The following CNGA4 variants were observed in gnomAD, a reference collection of about 807,000 sequenced individuals.
CNGA4 encodes cyclic nucleotide-gated channel alpha-4.
Under a neutral mutation model 45.6 loss-of-function variants are expected in CNGA4, and 32 were observed. The observed-to-expected ratio is 0.70, with a 90% CI of 0.53 to 0.94. The LOEUF is 0.94. CNGA4 is among the 40% of genes least tolerant of loss of function. CNGA4 has a pLI of 0.00. For synonymous variants in CNGA4, 293 were observed against 304.6 expected (o/e 0.96, Z 0.40); for missense variants, 726 against 755.1 (o/e 0.96, Z 0.45).
chr11:6,244,406 G>A lies in CNGA4; in HGVS notation c.1725G>A (p.Glu575=), dbSNP rs1202508116. The A allele has an allele frequency of 3.1e-6, 5 of 1,607,628 alleles. No individual in the cohort carries two copies. The highest frequency in any genetic ancestry group is 1.7e-5 in the Admixed American group (1 of 58,988). Residue 575 remains glutamate (E), a synonymous_variant, in exon 6 of 6, where the codon GAG becomes GAA. Coordinates refer to ENST00000379936, the MANE Select transcript of CNGA4 (RefSeq NM_001037329.4). The surrounding 1 kb of genome is among the most constrained non-coding windows in gnomAD (Gnocchi z 4.5). The part of the protein sequence containing the change: ...RASQEGPPGP[E] ...GCCAGGAGGGACCCCCAGGTCCAGA[G>A]TGACCCCATCCCCATCCCCAGGATT...
chr11:6,240,166 C>T lies in CNGA4; in HGVS notation c.372C>T (p.Pro124=). ...SFFLDLASLM[P]TDVVYVRLGP... ...TCTTGGACCTGGCTTCCCTGATGCC[C>T]ACAGATGTGGTCTACGTGCGGCTGG... is the stretch of plus-strand genomic sequence containing the variant. Residue 124 remains proline (P), a synonymous_variant, in exon 4 of 6, where the codon CCC becomes CCT. Coordinates refer to ENST00000379936, the MANE Select transcript of CNGA4 (RefSeq NM_001037329.4). The surrounding 1 kb of genome is among the most constrained non-coding windows in gnomAD (Gnocchi z 4.9). The T allele has an allele frequency of 6.2e-7, 1 of 1,614,188 alleles. No individual in the cohort carries two copies. The highest frequency in any genetic ancestry group is 1.1e-5 in the South Asian group (1 of 91,084).
chr11:6,237,956 C>T (rs762528126), upstream of CNGA4, among the ~76,000 whole-genome samples: 2 of 152,194 alleles, frequency 1.3e-5, no homozygotes, highest in African/African-American at 2.4e-5. Flanking sequence ...CACCACTACC[C>T]GCTAGGCCCT....
chr11:6,237,291 T>C (rs778829316), upstream of CNGA4, among the ~76,000 whole-genome samples: 3 of 152,196 alleles, frequency 2.0e-5, no homozygotes, highest in African/African-American at 4.8e-5. Context: ...GTCATAGGTT[T>C]TTTTGCTGAA....
upstream of CNGA4, among the ~76,000 whole-genome samples, chr11:6,235,074 G>C (rs1457159271): frequency 6.6e-6 from 1 of 152,220 alleles, no homozygotes; most frequent in Non-Finnish European, 1.5e-5. Context: ...GAGCGAGAAA[G>C]GGGTGGGGCC....
Position 6,240,302 on chromosome 11 carries a change from G to A in CNGA4, c.508G>A (p.Ala170Thr), listed in dbSNP as rs780147292. The change falls in exon 4 of 6, where the codon GCC (alanine) becomes ACC (threonine). Residue 170 changes from alanine (A) to threonine (T), a missense_variant. Coordinates refer to ENST00000379936, the MANE Select transcript of CNGA4 (RefSeq NM_001037329.4). The surrounding 1 kb of genome is among the most constrained non-coding windows in gnomAD (Gnocchi z 4.9). ...RTAYPNAFRI[A>T]KLMLYIFVVI... ...AGCTTACCCAAATGCCTTTCGCATT[G>A]CCAAGCTGATGCTTTACATTTTTGT... is the stretch of plus-strand genomic sequence containing the variant. The A allele has an allele frequency of 6.2e-7, 1 of 1,614,194 alleles. No individual in the cohort carries two copies. The highest frequency in any genetic ancestry group is 8.5e-7 in the Non-Finnish European group (1 of 1,180,024).
intron 5 of CNGA4, among the ~76,000 whole-genome samples, chr11:6,243,451 G>A (rs917573868): frequency 6.6e-6 from 1 of 152,080 alleles, no homozygotes; most frequent in African/African-American, 2.4e-5. Flanking sequence ...ACCAGCTCTC[G>A]ACTCACTAAC....
upstream of CNGA4, among the ~76,000 whole-genome samples, chr11:6,235,807 C>G (rs1847826469): frequency 6.6e-6 from 1 of 151,916 alleles, no homozygotes; most frequent in South Asian, 2.1e-4. Context: ...GGCGTAGTGG[C>G]GCGCGCCTGT....
chr11:6,240,896 G>A lies in CNGA4; in HGVS notation c.917+185G>A, dbSNP rs1286055798. 2.0e-5 allele frequency among the ~76,000 whole-genome samples: 3 copies of A among 152,256 alleles called. No homozygotes were observed. The highest frequency in any genetic ancestry group is 3.9e-4 in the East Asian group (2 of 5,176). Reference sequence around the variant, plus strand: ...TTTCAACTGAGGGAATCAGGACTTGGGGGAGGGGTAGGTAAGAGACTGATA... The same window carrying A: ...TTTCAACTGAGGGAATCAGGACTTGAGGGAGGGGTAGGTAAGAGACTGATA... On this transcript the variant is annotated intron_variant, in intron 4 of 5. Transcript: ENST00000379936. This position sits in a 1 kb window ranked among gnomAD's most constrained non-coding sequence, Gnocchi z 4.9.
chr11:6,244,394 C>T lies in CNGA4; in HGVS notation c.1713C>T (p.Pro571=), dbSNP rs1306754878. The change falls in exon 6 of 6, where the codon CCC becomes CCT. Residue 571 remains proline (P), a synonymous_variant. Coordinates refer to ENST00000379936, the MANE Select transcript of CNGA4 (RefSeq NM_001037329.4). The surrounding 1 kb of genome is among the most constrained non-coding windows in gnomAD (Gnocchi z 4.5). ...AGGGCAGGGCCAGCCAGGAGGGACC[C>T]CCAGGTCCAGAGTGACCCCATCCCC... The part of the protein sequence containing the change: ...DEEGRASQEG[P]PGPE 2 of 1,611,364 alleles carry T rather than the reference C, an allele frequency of 1.2e-6. No homozygotes were observed. Among genetic ancestry groups the T allele is most frequent in the East Asian group, 2.2e-5 (1 of 44,748 alleles).
At chr11:6,239,578 A>G (rs1847880715) in intron 2 of CNGA4, 93 bp downstream of exon 2, 3 of 1,552,292 alleles carry the variant, frequency 1.9e-6, no homozygotes, top group Non-Finnish European at 2.7e-6. Flanking sequence ...GGGCAGGAGG[A>G]GCAATTCCCA....
chr11:6,241,446 G>A lies in CNGA4; in HGVS notation c.933G>A (p.Gln311=). 1 of 1,584,416 alleles carries A rather than the reference G, an allele frequency of 6.3e-7. No homozygotes were observed. Among genetic ancestry groups the A allele is most frequent in the Non-Finnish European group, 8.6e-7 (1 of 1,161,968 alleles). Residue 311 remains glutamine (Q), a synonymous_variant, in exon 5 of 6, where the codon CAG becomes CAA. Coordinates refer to ENST00000379936, the MANE Select transcript of CNGA4 (RefSeq NM_001037329.4). ...RRVIDWYQHL[Q]INKKMTNEVA... is the part of the protein sequence containing the mutation. ...TTACTCTCAGGTATCAGCACCTGCA[G>A]ATCAACAAGAAGATGACCAACGAGG...
upstream of CNGA4, among the ~76,000 whole-genome samples, chr11:6,235,142 C>A (rs1205506442): frequency 2.0e-5 from 3 of 151,990 alleles, no homozygotes; most frequent in Non-Finnish European, 4.4e-5. Flanking sequence ...GAGGCTATCA[C>A]GAAAAGAGAG....
At chr11:6,244,486 C>A (rs1847965567), downstream of CNGA4, 1 of 1,355,840 alleles carries the variant, frequency 7.4e-7, no homozygotes, top group South Asian at 1.4e-5. This position sits in a 1 kb window ranked among gnomAD's most constrained non-coding sequence, Gnocchi z 4.5. Context: ...GCAACTCTGT[C>A]ATCCTGTCTG....
At chr11:6,238,503 A>G (rs1001578614), upstream of CNGA4, among the ~76,000 whole-genome samples, 7 of 151,958 alleles carry the variant, frequency 4.6e-5, no homozygotes, top group Non-Finnish European at 8.8e-5. Flanking sequence ...TGGGGACCAT[A>G]AAACACATGG....
rs1847921164 is a variant in CNGA4 at position 6,241,675 on chromosome 11, A to T, written c.1162A>T (p.Ile388Phe). The T allele has an allele frequency of 1.9e-6, 3 of 1,614,208 alleles. No individual in the cohort carries two copies. Among genetic ancestry groups the T allele is most frequent in the Non-Finnish European group, 1.7e-6 (2 of 1,180,036 alleles). ...AGACATTGGCCAAGAGATGTACATC[A>T]TCCGAGAGGGTCAACTGGCCGTGGT... ...KGDIGQEMYI[I>F]REGQLAVVAD... Residue 388 changes from isoleucine to phenylalanine, a missense_variant, in exon 5 of 6, where the codon ATC becomes TTC. By Grantham distance (21) the Ile-to-Phe change is conservative (BLOSUM62 0). Transcript: ENST00000379936.
rs1317863273 is a variant in CNGA4, at chr11:6,244,072, T to C, written c.1391T>C (p.Met464Thr). ...GAGTATCCACAAGCACAGACCATCA[T>C]GGAGGAGAAAGGACGTGAGATCCTG... is the stretch of plus-strand genomic sequence containing the variant. ...LSEYPQAQTIMEEKGREILLK... is the reference protein window; with the variant it reads ...LSEYPQAQTITEEKGREILLK... Residue 464 changes from methionine to threonine, a missense_variant, in exon 6 of 6, where the codon ATG becomes ACG. Met to Thr is a moderately conservative substitution (Grantham distance 81). Coordinates refer to ENST00000379936, the MANE Select transcript of CNGA4 (RefSeq NM_001037329.4). The surrounding 1 kb of genome is among the most constrained non-coding windows in gnomAD (Gnocchi z 4.5). 6.2e-7 allele frequency: 1 copy of C among 1,614,142 alleles called. No individual in the cohort carries two copies. Among genetic ancestry groups the C allele is most frequent in the East Asian group, 2.2e-5 (1 of 44,874 alleles).
At position 6,240,185 on chromosome 11, in the gene CNGA4, C is replaced by A. The variant is rs757297688; in HGVS notation, c.391C>A (p.Arg131=). The A allele has an allele frequency of 2.5e-6, 4 of 1,614,196 alleles. No individual in the cohort carries two copies. The highest frequency in any genetic ancestry group is 3.4e-6 in the Non-Finnish European group (4 of 1,180,048). The change falls in exon 4 of 6, where the codon CGG becomes AGG. Residue 131 remains arginine, a synonymous_variant. Transcript: ENST00000379936. The surrounding 1 kb of genome is among the most constrained non-coding windows in gnomAD (Gnocchi z 4.9). ...GATGCCCACAGATGTGGTCTACGTG[C>A]GGCTGGGCCCGCACACACCCACCCT... ...SLMPTDVVYV[R]LGPHTPTLRL...
upstream of CNGA4, among the ~76,000 whole-genome samples, chr11:6,238,713 G>C (rs545024802): frequency 6.6e-6 from 1 of 152,328 alleles, no homozygotes; most frequent in African/African-American, 2.4e-5. Context: ...CTGGAGAATA[G>C]TTTAGCACCT....
At chr11:6,243,579 T>C (rs1041338795) in intron 5 of CNGA4, among the ~76,000 whole-genome samples, 18 of 152,178 alleles carry the variant, frequency 1.2e-4, no homozygotes, top group Non-Finnish European at 2.5e-4. Context: ...AGACAAATAT[T>C]CAAATTATAT....
Sources: gnomAD v4.1 joint callset for allele counts (sites outside exome capture counted in the v4.1 genomes callset) on GRCh38, gnomAD v4.1.1 for gene constraint, Gnocchi (gnomAD v3.1) non-coding constraint, MANE v1.5 for transcripts, NCBI Gene and HGNC (gene_info 2026-07-23, HGNC 2026-07-21) for gene names.